The following CAND2 variants were observed in gnomAD, a reference collection of about 807,000 sequenced individuals.
CAND2 encodes cullin-associated NEDD8-dissociated protein 2.
Under a neutral mutation model 98.9 loss-of-function variants are expected in CAND2, and 62 were observed. The observed-to-expected ratio is 0.63, with a 90% CI of 0.51 to 0.77. The LOEUF (loss-of-function observed/expected upper bound fraction) is 0.77. CAND2 is among the 30% of genes least tolerant of loss of function. CAND2 has a pLI of 0.00. For missense variants in CAND2, 1,501 were observed against 1,655.2 expected (o/e 0.91, Z 1.62); for synonymous variants, 770 against 731.9 (o/e 1.05, Z -0.84).
chr3:12,813,433 A>G, intron 7 of CAND2, 45 bp downstream of exon 7: 1 of 1,586,334 alleles, frequency 6.3e-7, no homozygotes, highest in Non-Finnish European at 8.6e-7. Flanking sequence ...GGAGGTGAAC[A>G]CAGCCTTCCT....
At position 12,804,334 on chromosome 3, in the gene CAND2, G is replaced by T. The variant is rs1177659285; in HGVS notation, c.212+703G>T. ...AAAAAGTTGCCGGGCATGGTGGTGCGTGCCTGTAATCACAGCTACTTGGGA... is the reference window on the plus strand; with the variant it reads ...AAAAAGTTGCCGGGCATGGTGGTGCTTGCCTGTAATCACAGCTACTTGGGA... On this transcript the variant is annotated intron_variant, in intron 2 of 14. Coordinates refer to ENST00000456430, the MANE Select transcript of CAND2 (RefSeq NM_001162499.2). Among the ~76,000 whole-genome samples the T allele has an allele frequency of 2.6e-5, 4 of 151,998 alleles. No individual in the cohort carries two copies. The East Asian group carries it at 7.7e-4, about 29-fold the overall frequency.
Position 12,817,130 on chromosome 3 carries a change from G to C in CAND2, c.2198G>C (p.Ser733Thr). Residue 733 changes from serine (S) to threonine (T), a missense_variant, in exon 10 of 15, where the codon AGT becomes ACT. By Grantham distance (58) the Ser-to-Thr change is moderately conservative. Coordinates refer to ENST00000456430, the MANE Select transcript of CAND2 (RefSeq NM_001162499.2). ...CAGCCAGCCTCTTTGGTGGAGGTCA[G>C]TGGCCCTGTGCTCTCAGAGCTGCTG... is the stretch of plus-strand genomic sequence containing the variant. ...QAQPASLVEVSGPVLSELLRL... is the reference protein window; with the variant it reads ...QAQPASLVEVTGPVLSELLRL... 6.2e-7 allele frequency: 1 copy of C among 1,613,042 alleles called. No individual in the cohort carries two copies. The highest frequency in any genetic ancestry group is 1.1e-5 in the South Asian group (1 of 91,076).
At chr3:12,820,216 A>G (rs2061946324) in intron 11 of CAND2, 35 bp downstream of exon 11, 2 of 1,498,122 alleles carry the variant, frequency 1.3e-6, no homozygotes, top group South Asian at 2.3e-5. Flanking sequence ...CACCTTGTTC[A>G]GTGCCCCCAC....
At chr3:12,799,461 G>A (rs1262026064) in intron 1 of CAND2, among the ~76,000 whole-genome samples, 1 of 152,082 alleles carries the variant, frequency 6.6e-6, no homozygotes, top group Non-Finnish European at 1.5e-5. Context: ...ACACATACAC[G>A]TATAAAACAT....
rs977159445 is a variant in CAND2, at chr3:12,824,734, C to A, written c.3041-736C>A. On this transcript the variant is annotated intron_variant, in intron 11 of 14. Transcript: ENST00000456430. Reference sequence around the variant, plus strand: ...ACCAGCCTGGCCAACATGGTGAAACCCCGTCTCTACTAAAAATACAAAAAT... The same window carrying A: ...ACCAGCCTGGCCAACATGGTGAAACACCGTCTCTACTAAAAATACAAAAAT... 3.3e-5 allele frequency among the ~76,000 whole-genome samples: 5 copies of A among 152,020 alleles called. No individual in the cohort carries two copies. The South Asian group carries it at 1.0e-3, about 32-fold the overall frequency.
chr3:12,797,164 C>T (rs2061732121), intron 1 of CAND2, among the ~76,000 whole-genome samples: 1 of 137,430 alleles, frequency 7.3e-6, no homozygotes, highest in South Asian at 2.5e-4. Flanking sequence ...GATGCCCCAG[C>T]GCCCCCTCCC....
intron 11 of CAND2, among the ~76,000 whole-genome samples, chr3:12,824,840 G>A (rs2061987110): frequency 1.3e-5 from 2 of 151,630 alleles, no homozygotes; most frequent in South Asian, 4.2e-4. Flanking sequence ...CCTGAGAGGT[G>A]GAGGTTGCAG....
At chr3:12,830,622 C>T (rs77820272) in intron 13 of CAND2, among the ~76,000 whole-genome samples, 1 of 152,232 alleles carries the variant, frequency 6.6e-6, no homozygotes, top group Non-Finnish European at 1.5e-5. Flanking sequence ...GCTGCCACCC[C>T]CTGGGGTGAG....
intron 13 of CAND2, among the ~76,000 whole-genome samples, chr3:12,829,511 T>C (rs570340771): frequency 6.6e-6 from 1 of 152,370 alleles, no homozygotes; most frequent in Admixed American, 6.5e-5. Flanking sequence ...GAAAAATTAA[T>C]ACAAAGTAAT....
At chr3:12,803,721 G>T (rs1009177236) in intron 2 of CAND2, 90 bp downstream of exon 2, 2 of 1,229,008 alleles carry the variant, frequency 1.6e-6, no homozygotes, top group East Asian at 5.1e-5. Flanking sequence ...GTACAGCCTC[G>T]CAGAGGAGAC....
At position 12,810,310 on chromosome 3, in the gene CAND2, C is replaced by T. The variant is rs868483336; in HGVS notation, c.743C>T (p.Ala248Val). The change falls in exon 5 of 15, where the codon GCC (alanine) becomes GTC (valine). Residue 248 changes from alanine to valine, a missense_variant. Coordinates refer to ENST00000456430, the MANE Select transcript of CAND2 (RefSeq NM_001162499.2). The part of the protein sequence containing the change: ...IQCLGSVGRQ[A>V]GHRLGAHLDR... ...TGTTTGGGCAGCGTCGGCCGCCAGG[C>T]CGGCCACCGCCTCGGTAAGGGGGCA... 1 of 1,456,512 alleles carries T rather than the reference C, an allele frequency of 6.9e-7. No individual in the cohort carries two copies. The allele number at this position is 1,456,512 out of a possible 1,614,324, so 90.2% of individuals were successfully genotyped here. A position where few individuals can be genotyped will look rare whatever the true frequency, so the allele number is the denominator to read the frequency against.
intron 14 of CAND2, chr3:12,832,131 G>A (rs2062058362): frequency 6.6e-6 from 1 of 152,272 alleles, no homozygotes. Context: ...TTTTAAGGAT[G>A]GGAATCATTA....
intron 5 of CAND2, among the ~76,000 whole-genome samples, chr3:12,812,343 C>G (rs369542035): frequency 6.6e-5 from 10 of 150,878 alleles, no homozygotes; most frequent in Admixed American, 2.0e-4. Context: ...CCTGCCTCAG[C>G]CTCCTGAATA....
At chr3:12,811,226 C>T (rs546210351) in intron 5 of CAND2, among the ~76,000 whole-genome samples, 2 of 152,294 alleles carry the variant, frequency 1.3e-5, no homozygotes, top group African/African-American at 4.8e-5. Context: ...AGGAAAGAGG[C>T]CTGCGCAGGC....
chr3:12,813,854 G>A (rs997936411), intron 7 of CAND2, among the ~76,000 whole-genome samples: 1 of 152,222 alleles, frequency 6.6e-6, no homozygotes, highest in Admixed American at 6.5e-5. Context: ...GGAGCAAGAT[G>A]TCTCAATGGG....
In CAND2 at chr3:12,808,317, T is replaced by G; in HGVS notation, c.475T>G (p.Ser159Ala). 1.3e-6 allele frequency: 2 copies of G among 1,551,478 alleles called. No individual in the cohort carries two copies. The highest frequency in any genetic ancestry group is 1.7e-6 in the Non-Finnish European group (2 of 1,146,926). The change falls in exon 4 of 15, where the codon TCT becomes GCT. Residue 159 changes from serine (S) to alanine (A), a missense_variant. Around this residue, in one of 3 missense-constraint regions of CAND2, gnomAD observed 1,427 missense variants for 1,545.3 expected, o/e 0.92. Transcript: ENST00000456430. ...AVQLEALDIL[S>A]DMLSRLGVPL... The stretch of plus-strand genomic sequence containing the variant: ...GCAGCTGGAAGCCCTGGACATCCTC[T>G]CTGACATGCTGAGCAGGTGTGGGAG...
chr3:12,833,472 T>C (rs2062071927), intron 14 of CAND2, among the ~76,000 whole-genome samples: 1 of 152,114 alleles, frequency 6.6e-6, no homozygotes, highest in Non-Finnish European at 1.5e-5. Context: ...CCACTGTCAA[T>C]TAACAAAAAG....
intron 11 of CAND2, 34 bp from the exon 12 acceptor site, chr3:12,825,436 T>G: frequency 6.5e-7 from 1 of 1,536,494 alleles, no homozygotes; most frequent in Non-Finnish European, 8.8e-7. Flanking sequence ...GCTTTGGCTG[T>G]GCATCCCCCA....
chr3:12,817,993 G>A, intron 10 of CAND2, 117 bp downstream of exon 10: 1 of 950,266 alleles, frequency 1.1e-6, no homozygotes, highest in South Asian at 2.1e-5. Context: ...AAGAATCACG[G>A]TATCTATACG....
Sources: gnomAD v4.1 joint callset for allele counts (sites outside exome capture counted in the v4.1 genomes callset) on GRCh38, gnomAD v4.1.1 for gene constraint, gnomAD v4.1.1 regional missense constraint, MANE v1.5 for transcripts, NCBI Gene and HGNC (gene_info 2026-07-23, HGNC 2026-07-21) for gene names.